RORA: variants seen among roughly 807,000 people sequenced by gnomAD.
The protein encoded by RORA is nuclear receptor ROR-alpha.
Under a neutral mutation model 69.5 loss-of-function variants are expected in RORA, and 7 were observed. The ratio of observed to expected loss-of-function variants is 0.10; its 90% CI spans 0.06 to 0.19. The LOEUF (loss-of-function observed/expected upper bound fraction) is 0.19, where lower values mean the gene tolerates loss of function less well. Among genes scored for constraint, RORA ranks in the 10% least tolerant of loss-of-function variants. The pLI is 1.00. For missense variants in RORA, 457 were observed against 663.0 expected, an observed-to-expected ratio of 0.69 and a Z score of 3.41; for synonymous variants, 261 against 240.8, an observed-to-expected ratio of 1.08 and a Z score of -0.78.
chr15:61,084,685 G>C (rs1007472416), intron 1 of RORA, among the ~76,000 whole-genome samples: 1 of 152,202 alleles, frequency 6.6e-6, no homozygotes, highest in African/African-American at 2.4e-5. Flanking sequence ...TTCTGAAACA[G>C]AGCAATGCAC....
At chr15:61,139,098 C>T (rs908419064) in intron 1 of RORA, among the ~76,000 whole-genome samples, 2 of 151,526 alleles carry the variant, frequency 1.3e-5, no homozygotes, top group Non-Finnish European at 2.9e-5. Flanking sequence ...GAGCCAAGAT[C>T]GCGCCACTGC....
intron 1 of RORA, among the ~76,000 whole-genome samples, chr15:60,990,590 T>C (rs187751991): frequency 6.6e-6 from 1 of 152,254 alleles, no homozygotes; most frequent in Non-Finnish European, 1.5e-5. Context: ...AGACAGCAGA[T>C]CCTGGAAGAA....
chr15:60,610,009 G>T (rs929392731), intron 2 of RORA, among the ~76,000 whole-genome samples: 1 of 152,142 alleles, frequency 6.6e-6, no homozygotes, highest in Non-Finnish European at 1.5e-5. Flanking sequence ...ATTGCAGCTC[G>T]AGAGAGCCGT....
chr15:60,604,175 T>C (rs1025455456), intron 2 of RORA, among the ~76,000 whole-genome samples: 16 of 144,324 alleles, frequency 1.1e-4, no homozygotes, highest in Non-Finnish European at 2.4e-4. Context: ...TAGAAAAATA[T>C]GGCATTGAAT....
intron 1 of RORA, among the ~76,000 whole-genome samples, chr15:60,852,668 T>C (rs1038811888): frequency 1.3e-5 from 2 of 152,196 alleles, no homozygotes; most frequent in Non-Finnish European, 2.9e-5. Flanking sequence ...GAATAAATAA[T>C]GAGACCTTTA....
At chr15:61,057,633 C>T (rs2078114140) in intron 1 of RORA, among the ~76,000 whole-genome samples, 1 of 152,224 alleles carries the variant, frequency 6.6e-6, no homozygotes, top group African/African-American at 2.4e-5. Context: ...CTCTGAGACA[C>T]AGACATCTAT....
chr15:61,094,897 A>G (rs2078765945), intron 1 of RORA, among the ~76,000 whole-genome samples: 1 of 152,238 alleles, frequency 6.6e-6, no homozygotes, highest in Admixed American at 6.5e-5. Flanking sequence ...GAATTCAGAA[A>G]AGATGCTACT....
At chr15:60,739,650 G>A (rs1365706026) in intron 1 of RORA, among the ~76,000 whole-genome samples, 1 of 152,064 alleles carries the variant, frequency 6.6e-6, no homozygotes, top group Non-Finnish European at 1.5e-5. Flanking sequence ...TCAGTCTGGG[G>A]GAAGGTGAAC....
At chr15:60,873,720 G>A (rs770521326) in intron 1 of RORA, among the ~76,000 whole-genome samples, 6 of 152,144 alleles carry the variant, frequency 3.9e-5, no homozygotes, top group Admixed American at 3.3e-4. Context: ...AGCTTCCACC[G>A]AACAACTCCC....
In RORA at chr15:61,061,424, T is replaced by C. The variant is rs910881593; in HGVS notation, c.166+167629A>G. On this transcript the variant is annotated intron_variant, in intron 1 of 10. Coordinates refer to ENST00000335670, the MANE Select transcript of RORA (RefSeq NM_134261.3). The surrounding 1 kb of genome is among the most constrained non-coding windows in gnomAD (Gnocchi z 4.4). ...ACAAGGGCATCGCAGGAAGTCCTGA[T>C]GTCAAGGTAATGCGGCCAGGCATAT... 2.0e-5 allele frequency among the ~76,000 whole-genome samples: 3 copies of C among 151,874 alleles called. No homozygotes were observed. Among genetic ancestry groups the C allele is most frequent in the Admixed American group, 1.3e-4 (2 of 15,256 alleles).
rs1307670901 is a variant in RORA, at chr15:60,496,653, C to T, written c.*802G>A. On this transcript the variant is annotated 3_prime_UTR_variant, in exon 11 of 11. Transcript: ENST00000335670. The surrounding 1 kb of genome is among the most constrained non-coding windows in gnomAD (Gnocchi z 4.5). ...ATTTCTAGATATGACCAGCCAGTCT[C>T]TTAAAAATAATTTTGTAAACAGCAG... 2.6e-5 allele frequency: 4 copies of T among 152,108 alleles called. No homozygotes were observed. The East Asian group carries it at 7.7e-4, about 29-fold the overall frequency. 9.4% of individuals were successfully genotyped at this position (152,108 alleles called of 1,614,324 possible).
intron 1 of RORA, among the ~76,000 whole-genome samples, chr15:61,142,949 C>A (rs1238229487): frequency 1.3e-5 from 2 of 152,194 alleles, no homozygotes; most frequent in East Asian, 3.9e-4. Context: ...CCTATTAAGA[C>A]AAGAATGGTC....
rs1180450881 is a variant in RORA at position 61,213,660 on chromosome 15, C to G, written c.166+15393G>C. ...GCATAACCACCTCAGTGAGCTTTCCCTAACTCCTCTCGGGGCATTTTCTCC... is the reference window on the plus strand; with the variant it reads ...GCATAACCACCTCAGTGAGCTTTCCGTAACTCCTCTCGGGGCATTTTCTCC... On this transcript the variant is annotated intron_variant, in intron 1 of 10. Coordinates refer to ENST00000335670, the MANE Select transcript of RORA (RefSeq NM_134261.3). This position sits in a 1 kb window ranked among gnomAD's most constrained non-coding sequence, Gnocchi z 4.1. 6.6e-6 allele frequency: 1 copy of G among 152,184 alleles called. No homozygotes were observed. The highest frequency in any genetic ancestry group is 1.9e-4 in the East Asian group (1 of 5,186). The allele number at this position is 152,184 out of a possible 1,614,324, so 9.4% of individuals were successfully genotyped here.
intron 1 of RORA, among the ~76,000 whole-genome samples, chr15:60,925,221 C>T (rs1314950916): frequency 1.3e-5 from 2 of 152,184 alleles, no homozygotes; most frequent in Admixed American, 6.5e-5. Context: ...CAGGTGTAGA[C>T]TGCTCTCTCA....
intron 10 of RORA, among the ~76,000 whole-genome samples, chr15:60,498,362 G>T (rs566222898): frequency 3.9e-5 from 6 of 152,176 alleles, no homozygotes; most frequent in Non-Finnish European, 8.8e-5. Flanking sequence ...GCAACTGGAA[G>T]TGATGGCATC....
chr15:61,181,680 CAAAAA>C (rs749054081), intron 1 of RORA, among the ~76,000 whole-genome samples: 3 of 57,756 alleles, frequency 5.2e-5, no homozygotes, highest in Admixed American at 1.7e-4. Context: ...TTAGCTTTGG[CAAAAA>C]AAAAAAAAAA....
chr15:60,972,614 T>C (rs1274197735), intron 1 of RORA, among the ~76,000 whole-genome samples: 1 of 152,144 alleles, frequency 6.6e-6, no homozygotes, highest in East Asian at 1.9e-4. Flanking sequence ...CTCTAGTCTT[T>C]GGAGAAAAAA....
At chr15:60,713,273 AG>A (rs1162205110) in intron 1 of RORA, among the ~76,000 whole-genome samples, 2 of 152,134 alleles carry the variant, frequency 1.3e-5, no homozygotes, top group East Asian at 3.9e-4. Flanking sequence ...TCACAGTCTG[AG>A]GCTGAAGAGG....
At chr15:60,545,050 T>G (rs1437209790) in intron 2 of RORA, 1 of 152,234 alleles carries the variant, frequency 6.6e-6, no homozygotes, top group Non-Finnish European at 1.5e-5. Context: ...GTCAGCTCAG[T>G]GTTCCAGAAA....
Sources: gnomAD v4.1 joint callset for allele counts (sites outside exome capture counted in the v4.1 genomes callset) on GRCh38, gnomAD v4.1.1 for gene constraint, Gnocchi (gnomAD v3.1) non-coding constraint, MANE v1.5 for transcripts, NCBI Gene and HGNC (gene_info 2026-07-23, HGNC 2026-07-21) for gene names.